The following FAR2 variants were observed in gnomAD, a reference collection of about 807,000 sequenced individuals.
FAR2 encodes the protein fatty acyl-CoA reductase 2, also known as epididymis secretory protein Li 81.
Under a neutral mutation model 56.0 loss-of-function variants are expected in FAR2, and 19 were observed. That is an observed-to-expected ratio of 0.34 (90% CI 0.24 to 0.50). The LOEUF is 0.50. Among genes scored for constraint, FAR2 ranks in the 20% least tolerant of loss-of-function variants. FAR2 has a pLI of 0.98. For synonymous variants in FAR2, 219 were observed against 218.8 expected (o/e 1.00, Z -0.01); for missense variants, 508 against 642.2 (o/e 0.79, Z 2.26).
At chr12:29,324,468 G>A (rs1345613650) in intron 10 of FAR2, among the ~76,000 whole-genome samples, 2 of 152,146 alleles carry the variant, frequency 1.3e-5, no homozygotes, top group Non-Finnish European at 2.9e-5. Context: ...AAGTTGAAAT[G>A]AAGGAAAAAA....
chr12:29,177,616 A>T (rs779614713), intron 1 of FAR2, among the ~76,000 whole-genome samples: 3 of 152,200 alleles, frequency 2.0e-5, no homozygotes, highest in Non-Finnish European at 2.9e-5. Context: ...GTGGGTTGAA[A>T]AAAAGCATTG....
intron 2 of FAR2, among the ~76,000 whole-genome samples, chr12:29,287,093 G>T (rs1176886061): frequency 6.6e-6 from 1 of 152,082 alleles, no homozygotes; most frequent in Non-Finnish European, 1.5e-5. Context: ...ATACACCAAT[G>T]GTTCTCAACT....
chr12:29,288,233 C>A (rs2136740863), intron 2 of FAR2, among the ~76,000 whole-genome samples: 1 of 152,254 alleles, frequency 6.6e-6, no homozygotes, highest in South Asian at 2.1e-4. Context: ...AGAAATGTGT[C>A]CTACTCTTGT....
intron 1 of FAR2, among the ~76,000 whole-genome samples, chr12:29,243,735 C>G (rs188446547): frequency 1.5e-4 from 23 of 152,222 alleles, no homozygotes; most frequent in Non-Finnish European, 2.1e-4. Flanking sequence ...AACTGCCATC[C>G]CATTCATTTC....
At chr12:29,305,098 T>G (rs1411957555) in intron 4 of FAR2, among the ~76,000 whole-genome samples, 1 of 151,982 alleles carries the variant, frequency 6.6e-6, no homozygotes, top group Non-Finnish European at 1.5e-5. Context: ...TTATAAGTGA[T>G]ATTTTATTTT....
chr12:29,290,652 T>C (rs1224761989), intron 2 of FAR2, among the ~76,000 whole-genome samples: 1 of 152,166 alleles, frequency 6.6e-6, no homozygotes, highest in Non-Finnish European at 1.5e-5. Context: ...ATATACACAA[T>C]GGAGTACTAC....
At chr12:29,308,707 C>CATATATATATATAT (rs1253144255) in intron 5 of FAR2, among the ~76,000 whole-genome samples, 81 of 136,952 alleles carry the variant, frequency 5.9e-4, no homozygotes, top group African/African-American at 2.5e-3. Context: ...CACACACACA[C>CATATATATATATAT]ACACACACAC....
intron 1 of FAR2, among the ~76,000 whole-genome samples, chr12:29,201,336 G>A (rs1288416664): frequency 6.6e-6 from 1 of 152,020 alleles, no homozygotes; most frequent in African/African-American, 2.4e-5. Flanking sequence ...CTTTACATAC[G>A]TGTGAGCATA....
chr12:29,257,634 C>G (rs937661590), intron 1 of FAR2, among the ~76,000 whole-genome samples: 1 of 151,990 alleles, frequency 6.6e-6, no homozygotes, highest in South Asian at 2.1e-4. Context: ...AGCGAGACCA[C>G]GAGCCCACCG....
At chr12:29,217,860 C>T (rs971984484) in intron 1 of FAR2, among the ~76,000 whole-genome samples, 5 of 151,982 alleles carry the variant, frequency 3.3e-5, no homozygotes, top group South Asian at 2.1e-4. Context: ...TGTTGGAATT[C>T]ACAGGAAAGC....
At chr12:29,320,595 A>C (rs1949534509) in intron 9 of FAR2, among the ~76,000 whole-genome samples, 2 of 152,220 alleles carry the variant, frequency 1.3e-5, no homozygotes, top group Admixed American at 1.3e-4. Context: ...CACTACTGCC[A>C]AGACTGGTTA....
At chr12:29,185,216 A>C (rs1280585025) in intron 1 of FAR2, among the ~76,000 whole-genome samples, 1 of 152,228 alleles carries the variant, frequency 6.6e-6, no homozygotes, top group African/African-American at 2.4e-5. Flanking sequence ...CATATGGTTA[A>C]ATTTCAAATT....
At chr12:29,321,970 G>T in intron 10 of FAR2, 46 bp downstream of exon 10, 1 of 1,561,860 alleles carries the variant, frequency 6.4e-7, no homozygotes, top group Non-Finnish European at 8.7e-7. Context: ...CTACTCACTT[G>T]GAATTTAGAA....
At chr12:29,318,001 G>A (rs1354924901) in intron 9 of FAR2, among the ~76,000 whole-genome samples, 2 of 152,210 alleles carry the variant, frequency 1.3e-5, no homozygotes, top group African/African-American at 2.4e-5. Context: ...CTAGCTGTGT[G>A]ACACAGGACA....
At chr12:29,271,357 A>G (rs1438546704) in intron 2 of FAR2, among the ~76,000 whole-genome samples, 2 of 152,158 alleles carry the variant, frequency 1.3e-5, no homozygotes, top group African/African-American at 2.4e-5. Flanking sequence ...TTGTCATATC[A>G]CCTCTTAACC....
At chr12:29,193,767 G>A (rs1049406656) in intron 1 of FAR2, among the ~76,000 whole-genome samples, 2 of 152,182 alleles carry the variant, frequency 1.3e-5, no homozygotes, top group African/African-American at 4.8e-5. Flanking sequence ...AAATACCAAG[G>A]AGCATAATTG....
At chr12:29,267,486 G>C (rs554650133) in intron 1 of FAR2, among the ~76,000 whole-genome samples, 1 of 152,300 alleles carries the variant, frequency 6.6e-6, no homozygotes, top group African/African-American at 2.4e-5. Context: ...TGGTAGAACT[G>C]GGATTTTACT....
intron 1 of FAR2, among the ~76,000 whole-genome samples, chr12:29,174,708 A>G (rs937233428): frequency 1.4e-4 from 22 of 152,196 alleles, no homozygotes; most frequent in African/African-American, 4.6e-4. Flanking sequence ...GCATGAGCCA[A>G]CGCACCCGGC....
At chr12:29,255,727 C>T (rs367896594) in intron 1 of FAR2, among the ~76,000 whole-genome samples, 58 of 152,088 alleles carry the variant, frequency 3.8e-4, no homozygotes, top group Admixed American at 6.6e-4. Flanking sequence ...CAGGTACATG[C>T]GATTCTCCTG....
Sources: gnomAD v4.1 joint callset for allele counts (sites outside exome capture counted in the v4.1 genomes callset) on GRCh38, gnomAD v4.1.1 for gene constraint, MANE v1.5 for transcripts, NCBI Gene and HGNC (gene_info 2026-07-23, HGNC 2026-07-21) for gene names.